The following FRMPD2 variants were observed in gnomAD, a reference collection of about 807,000 sequenced individuals.
FRMPD2 encodes FERM and PDZ domain-containing protein 2.
In FRMPD2, 96 loss-of-function variants were observed where a neutral mutation model predicts 140.1. The observed-to-expected ratio is 0.69, with a 90% CI of 0.58 to 0.81. The LOEUF (loss-of-function observed/expected upper bound fraction) is 0.81, where lower values mean the gene tolerates loss of function less well. Among genes scored for constraint, FRMPD2 ranks in the 40% least tolerant of loss-of-function variants. The pLI is 0.00. For synonymous variants in FRMPD2, 449 were observed against 547.6 expected (o/e 0.82, Z 2.52); for missense variants, 1,240 against 1,447.4 (o/e 0.86, Z 2.32).
In FRMPD2 at chr10:48,215,681, C is replaced by G. The variant is rs896673411; in HGVS notation, c.1456-3572G>C. 2.0e-5 allele frequency among the ~76,000 whole-genome samples: 3 copies of G among 152,128 alleles called. No homozygotes were observed. In the East Asian group the frequency reaches 5.8e-4, roughly 29 times the overall value. On this transcript the variant is annotated intron_variant, in intron 12 of 28. Coordinates refer to ENST00000374201, the MANE Select transcript of FRMPD2 (RefSeq NM_001018071.4). ...CAGCAGAGAGCACCTCAGAAATGTC[C>G]TCAGGGCACTAGACAGGTTAAGGCT...
chr10:48,236,089 C>T (rs1839960699), intron 9 of FRMPD2, among the ~76,000 whole-genome samples: 1 of 149,756 alleles, frequency 6.7e-6, no homozygotes, highest in Non-Finnish European at 1.5e-5. Context: ...TTGCACAAAT[C>T]ACTACCTGGC....
At chr10:48,217,721 C>A (rs1418196104) in intron 12 of FRMPD2, among the ~76,000 whole-genome samples, 8 of 152,094 alleles carry the variant, frequency 5.3e-5, no homozygotes, top group Non-Finnish European at 1.2e-4. Flanking sequence ...ATTTTACAAC[C>A]CACTGTTCTC....
chr10:48,197,275 G>A (rs560883710), intron 15 of FRMPD2, among the ~76,000 whole-genome samples: 1 of 152,166 alleles, frequency 6.6e-6, no homozygotes, highest in South Asian at 2.1e-4. Flanking sequence ...CCGTGAGCAG[G>A]AGCCACCATT....
At chr10:48,212,308 A>G (rs142081003) in intron 12 of FRMPD2, among the ~76,000 whole-genome samples, 199 bp from the exon 13 acceptor site, 36 of 152,320 alleles carry the variant, frequency 2.4e-4, no homozygotes, top group African/African-American at 6.7e-4. Context: ...GAAAAGAGAG[A>G]GTAAAGGAGC....
At chr10:48,225,195 G>A in intron 10 of FRMPD2, among the ~76,000 whole-genome samples, 1 of 152,296 alleles carries the variant, frequency 6.6e-6, no homozygotes, top group South Asian at 2.1e-4. Flanking sequence ...TCCAGCTGTG[G>A]CAGCATGGTA....
chr10:48,209,481 A>AG (rs1839271204), intron 13 of FRMPD2, among the ~76,000 whole-genome samples: 6 of 152,234 alleles, frequency 3.9e-5, no homozygotes, highest in Admixed American at 2.6e-4. Context: ...TCATCAGTGA[A>AG]CTGGGGACCA....
intron 1 of FRMPD2, among the ~76,000 whole-genome samples, chr10:48,255,162 C>T (rs180863552): frequency 1.2e-4 from 19 of 152,298 alleles, no homozygotes; most frequent in African/African-American, 4.6e-4. Flanking sequence ...ACCCTCTATA[C>T]TGACTCCACT....
At chr10:48,270,771 G>A (rs1840753252) in intron 1 of FRMPD2, among the ~76,000 whole-genome samples, 2 of 151,878 alleles carry the variant, frequency 1.3e-5, no homozygotes, top group South Asian at 4.2e-4. Flanking sequence ...AACCCCTCAA[G>A]CCAAACATTC....
intron 28 of FRMPD2, among the ~76,000 whole-genome samples, chr10:48,158,413 A>G (rs1269275920): frequency 6.6e-5 from 10 of 151,266 alleles, no homozygotes; most frequent in Admixed American, 1.3e-4. Context: ...CTGTATGCCT[A>G]TTTCACGGAA....
chr10:48,217,961 G>C (rs975978687), intron 12 of FRMPD2, among the ~76,000 whole-genome samples: 11 of 152,170 alleles, frequency 7.2e-5, no homozygotes, highest in Non-Finnish European at 1.3e-4. Flanking sequence ...ATACTAACTA[G>C]GGGGCTTAAA....
intron 13 of FRMPD2, among the ~76,000 whole-genome samples, 197 bp downstream of exon 13, chr10:48,211,757 C>T (rs750508238): frequency 5.9e-5 from 9 of 152,052 alleles, no homozygotes; most frequent in African/African-American, 1.4e-4. Flanking sequence ...TAAATCCTAC[C>T]CTCTTTGGGG....
At chr10:48,263,369 C>T (rs979055381) in intron 1 of FRMPD2, among the ~76,000 whole-genome samples, 2 of 151,490 alleles carry the variant, frequency 1.3e-5, no homozygotes, top group African/African-American at 2.4e-5. Flanking sequence ...ATCAACAAAA[C>T]TAAAAGCAGA....
At chr10:48,200,749 T>TCA (rs1839067063) in intron 15 of FRMPD2, among the ~76,000 whole-genome samples, 2 of 152,240 alleles carry the variant, frequency 1.3e-5, no homozygotes, top group African/African-American at 2.4e-5. Context: ...CATATCATCA[T>TCA]TGTCCAAAAA....
At chr10:48,218,334 A>C (rs1180940861) in intron 12 of FRMPD2, among the ~76,000 whole-genome samples, 1 of 152,232 alleles carries the variant, frequency 6.6e-6, no homozygotes, top group Non-Finnish European at 1.5e-5. Context: ...GACGTAGCAG[A>C]CTAGAACTTT....
rs569126839 is a variant in FRMPD2 at position 48,216,941 on chromosome 10, G to A, written c.1456-4832C>T. On this transcript the variant is annotated intron_variant, in intron 12 of 28. Coordinates refer to ENST00000374201, the MANE Select transcript of FRMPD2 (RefSeq NM_001018071.4). The stretch of plus-strand genomic sequence containing the variant: ...GCCCCAGGCCTGGGTACTGAGGGCA[G>A]GAAGGAGTTCAAGGGTAAGCAGTGA... Among the ~76,000 whole-genome samples the A allele has an allele frequency of 2.0e-5, 3 of 152,162 alleles. No homozygotes were observed. The South Asian group carries it at 6.2e-4, about 32-fold the overall frequency.
intron 18 of FRMPD2, 30 bp from the exon 19 acceptor site, chr10:48,184,911 G>C: frequency 6.6e-7 from 1 of 1,523,706 alleles, no homozygotes; most frequent in Non-Finnish European, 9.1e-7. Flanking sequence ...TCCATGATAA[G>C]ATGATACTTA....
At chr10:48,255,899 G>A (rs1020766598) in intron 1 of FRMPD2, among the ~76,000 whole-genome samples, 1 of 152,238 alleles carries the variant, frequency 6.6e-6, no homozygotes, top group African/African-American at 2.4e-5. Flanking sequence ...TAAGCCAGGG[G>A]TAGGCAGGTG....
chr10:48,274,143 C>T (rs572166973), intron 1 of FRMPD2, among the ~76,000 whole-genome samples: 1 of 152,186 alleles, frequency 6.6e-6, no homozygotes, highest in Non-Finnish European at 1.5e-5. Flanking sequence ...GTGCCTTACG[C>T]GTGTCACCCC....
chr10:48,182,819 C>T (rs1838583926), intron 20 of FRMPD2, among the ~76,000 whole-genome samples: 1 of 152,214 alleles, frequency 6.6e-6, no homozygotes, highest in East Asian at 1.9e-4. Context: ...ATTTGGTCAC[C>T]TGCATTGTGT....
Sources: gnomAD v4.1 joint callset for allele counts (sites outside exome capture counted in the v4.1 genomes callset) on GRCh38, gnomAD v4.1.1 for gene constraint, MANE v1.5 for transcripts, NCBI Gene and HGNC (gene_info 2026-07-23, HGNC 2026-07-21) for gene names.